Variants in TIGAR observed in about 807,000 individuals in gnomAD.
TIGAR encodes fructose-2,6-bisphosphatase TIGAR.
Under a neutral mutation model 17.9 loss-of-function variants are expected in TIGAR, and 7 were observed. The observed-to-expected ratio is 0.39, with a 90% CI of 0.22 to 0.73. The LOEUF (loss-of-function observed/expected upper bound fraction) is 0.73, where lower values mean the gene tolerates loss of function less well. Among genes scored for constraint, TIGAR ranks in the 30% least tolerant of loss-of-function variants. The pLI is 0.42. For synonymous variants in TIGAR, 94 were observed against 108.6 expected (o/e 0.87, Z 0.84); for missense variants, 258 against 327.4 (o/e 0.79, Z 1.64).
At chr12:4,351,483 C>A in intron 5 of TIGAR, 106 bp downstream of exon 5, 1 of 801,706 alleles carries the variant, frequency 1.2e-6, no homozygotes, top group Non-Finnish European at 2.0e-6. Flanking sequence ...TTCTCTTTTC[C>A]ATTTTAAATT....
intron 3 of TIGAR, among the ~76,000 whole-genome samples, chr12:4,337,657 A>G (rs1270507538): frequency 6.6e-6 from 1 of 152,214 alleles, no homozygotes; most frequent in African/African-American, 2.4e-5. Context: ...TAGCCTAGAA[A>G]AAAAAGTCCA....
chr12:4,324,561 C>G, intron 1 of TIGAR: 1 of 1,606,470 alleles, frequency 6.2e-7, no homozygotes, highest in Admixed American at 1.7e-5. Context: ...GCAGGATGAT[C>G]ATGTCCCGCA....
At chr12:4,333,414 C>T (rs1243011901) in intron 2 of TIGAR, among the ~76,000 whole-genome samples, 2 of 151,470 alleles carry the variant, frequency 1.3e-5, no homozygotes, top group African/African-American at 4.8e-5. Flanking sequence ...CCGAGACTCC[C>T]GAGTAGCTGG....
intron 1 of TIGAR, among the ~76,000 whole-genome samples, chr12:4,328,998 A>G (rs1049788238): frequency 6.6e-6 from 1 of 152,176 alleles, no homozygotes; most frequent in Non-Finnish European, 1.5e-5. Flanking sequence ...AGGTGGCCAC[A>G]TTTATTAGTT....
At chr12:4,326,105 C>G (rs567448952) in intron 1 of TIGAR, among the ~76,000 whole-genome samples, 20 of 152,296 alleles carry the variant, frequency 1.3e-4, no homozygotes, top group African/African-American at 4.8e-4. Context: ...ATTTGTAGGG[C>G]CTATAAATGG....
At chr12:4,324,848 AG>A (rs1188917976) in intron 1 of TIGAR, 2 of 522,566 alleles carry the variant, frequency 3.8e-6, no homozygotes, top group African/African-American at 3.8e-5. Context: ...TTCCATTTTT[AG>A]GCAGCTCGTA....
chr12:4,332,845 C>T (rs1353251174), intron 2 of TIGAR, among the ~76,000 whole-genome samples: 2 of 152,168 alleles, frequency 1.3e-5, no homozygotes, highest in Non-Finnish European at 2.9e-5. Context: ...TCAAATCTTA[C>T]ACACTTTATT....
At chr12:4,340,599 C>G (rs1343932815) in intron 3 of TIGAR, among the ~76,000 whole-genome samples, 2 of 152,172 alleles carry the variant, frequency 1.3e-5, no homozygotes, top group Non-Finnish European at 2.9e-5. Flanking sequence ...CAAAGCCATC[C>G]TTAGCAAAAA....
At chr12:4,328,810 C>T (rs775307076) in intron 1 of TIGAR, among the ~76,000 whole-genome samples, 1 of 149,346 alleles carries the variant, frequency 6.7e-6, no homozygotes, top group African/African-American at 2.5e-5. Flanking sequence ...CTCCTGACCT[C>T]GTGATCTGCC....
At chr12:4,333,467 T>TTTCA (rs1398542365) in intron 2 of TIGAR, among the ~76,000 whole-genome samples, 1 of 151,530 alleles carries the variant, frequency 6.6e-6, no homozygotes, top group Non-Finnish European at 1.5e-5. Flanking sequence ...TTTTTTAAAT[T>TTTCA]TTTATTTATT....
chr12:4,348,115 G>A (rs1214134902), intron 3 of TIGAR, among the ~76,000 whole-genome samples: 2 of 151,830 alleles, frequency 1.3e-5, no homozygotes, highest in African/African-American at 4.8e-5. Flanking sequence ...CAGCCTGGGT[G>A]ACAGAGCGAG....
chr12:4,341,830 G>A (rs1385009235), intron 3 of TIGAR, among the ~76,000 whole-genome samples: 17 of 152,278 alleles, frequency 1.1e-4, no homozygotes, highest in African/African-American at 2.6e-4. Context: ...AAATCAGAGC[G>A]CCTCTCCTCC....
intron 1 of TIGAR, among the ~76,000 whole-genome samples, chr12:4,330,699 T>C (rs1406887787): frequency 4.6e-5 from 7 of 152,198 alleles, no homozygotes; most frequent in Admixed American, 4.6e-4. Flanking sequence ...TTTGTTTTGG[T>C]ATTTTAGTTT....
intron 1 of TIGAR, among the ~76,000 whole-genome samples, chr12:4,328,905 C>G (rs1219597804): frequency 6.6e-6 from 1 of 152,104 alleles, no homozygotes; most frequent in Non-Finnish European, 1.5e-5. Context: ...CTTTATCATA[C>G]GTTTATTTTT....
At chr12:4,324,567 C>G (rs1864517787) in intron 1 of TIGAR, 1 of 1,605,104 alleles carries the variant, frequency 6.2e-7, no homozygotes, top group African/African-American at 1.3e-5. Flanking sequence ...TGATCATGTC[C>G]CGCAGGTGCG....
chr12:4,355,801 G>C lies in TIGAR; in HGVS notation c.*3110G>C, dbSNP rs1424753472. ...TAAGGGGGATGGAGACTGGTGGGAG[G>C]AATGCTGCTTTATCCAGGATGGGCA... On this transcript the variant is annotated 3_prime_UTR_variant, in exon 6 of 6. Transcript: ENST00000179259. Among the ~76,000 whole-genome samples, 1 of 152,176 alleles carries C rather than the reference G, an allele frequency of 6.6e-6. No homozygotes were observed. Among genetic ancestry groups the C allele is most frequent in the Non-Finnish European group, 1.5e-5 (1 of 68,030 alleles).
intron 1 of TIGAR, among the ~76,000 whole-genome samples, chr12:4,328,971 T>A (rs547236507): frequency 6.6e-6 from 1 of 152,356 alleles, no homozygotes; most frequent in South Asian, 2.1e-4. Context: ...AGTCTTCCTA[T>A]TCTTCCCCCA....
intron 2 of TIGAR, chr12:4,335,659 A>G (rs1308817572): frequency 6.6e-6 from 1 of 152,278 alleles, no homozygotes; most frequent in Non-Finnish European, 1.5e-5. Context: ...ACTGTGAGAA[A>G]TAAATATCTG....
intron 2 of TIGAR, among the ~76,000 whole-genome samples, chr12:4,332,441 G>C (rs1050035471): frequency 3.3e-5 from 5 of 151,922 alleles, no homozygotes; most frequent in African/African-American, 1.2e-4. Context: ...GTGGTGTTTT[G>C]CCATGTTGGC....
Sources: gnomAD v4.1 joint callset for allele counts (sites outside exome capture counted in the v4.1 genomes callset) on GRCh38, gnomAD v4.1.1 for gene constraint, MANE v1.5 for transcripts, NCBI Gene and HGNC (gene_info 2026-07-23, HGNC 2026-07-21) for gene names.